The following KIAA1210 variants were observed in gnomAD, a reference collection of about 807,000 sequenced individuals.
KIAA1210 encodes the protein KIAA1210.
Under a neutral mutation model 78.9 loss-of-function variants are expected in KIAA1210, and 48 were observed. The ratio of observed to expected loss-of-function variants is 0.61; its 90% CI spans 0.48 to 0.77. The LOEUF is 0.77. Ranked by LOEUF, KIAA1210 falls within the 30% of genes least tolerant of loss-of-function variation. The pLI is 0.00. For missense variants in KIAA1210, 1,108 were observed against 1,100.0 expected (o/e 1.01, Z -0.10); for synonymous variants, 406 against 404.5 (o/e 1.00, Z -0.04).
At chrX:119,150,011 T>C (rs955245254) in intron 1 of KIAA1210, among the ~76,000 whole-genome samples, 1 of 112,032 alleles carries the variant, frequency 8.9e-6, no homozygotes, top group African/African-American at 3.2e-5. Flanking sequence ...TCTGATATAA[T>C]TGAACCACAT....
chrX:119,109,970 T>TA (rs756261092), intron 3 of KIAA1210, among the ~76,000 whole-genome samples: 5 of 111,603 alleles, frequency 4.5e-5, no homozygotes, highest in Non-Finnish European at 9.4e-5. Context: ...AGAAGAAAGA[T>TA]AAAAACAAAT....
intron 1 of KIAA1210, among the ~76,000 whole-genome samples, chrX:119,148,341 T>C (rs777425187): frequency 8.1e-5 from 9 of 111,567 alleles, no homozygotes; most frequent in Non-Finnish European, 1.7e-4. Context: ...ATCTTTGTAT[T>C]GCCACTGACT....
In KIAA1210 at chrX:119,081,378, G is replaced by A; in HGVS notation, c.4553C>T (p.Ala1518Val). 8.3e-7 allele frequency: 1 copy of A among 1,208,409 alleles called. No individual in the cohort carries two copies. Among genetic ancestry groups the A allele is most frequent in the Non-Finnish European group, 1.1e-6 (1 of 893,753 alleles). ...EPIEPVWFSL[A>V]RKKAKAWSHM... is the part of the protein sequence containing the mutation. ...GCTCCATGCTTTGGCTTTCTTCCTGGCCAGTGAGAACCAGACAGGCTCAAT... is the reference window on the plus strand; with the variant it reads ...GCTCCATGCTTTGGCTTTCTTCCTGACCAGTGAGAACCAGACAGGCTCAAT... Residue 1518 changes from alanine to valine, a missense_variant, in exon 12 of 12, where the codon GCC becomes GTC. Physicochemically the swap from Ala to Val is moderately conservative, Grantham distance 64. Around this residue, in one of 5 missense-constraint regions of KIAA1210, gnomAD observed 245 missense variants for 278.8 expected, o/e 0.88. Transcript: ENST00000691062.
rs1927563785 is a variant in KIAA1210 at position 119,096,574 on chromosome X, G to C, written c.766C>G (p.Gln256Glu). 6 of 1,211,533 alleles carry C rather than the reference G, an allele frequency of 5.0e-6. No individual in the cohort carries two copies. The highest frequency in any genetic ancestry group is 4.5e-6 in the Non-Finnish European group (4 of 895,220). Residue 256 changes from glutamine (Q) to glutamate (E), a missense_variant, in exon 7 of 12, where the codon CAG (glutamine) becomes GAG (glutamate). Physicochemically the swap from Gln to Glu is conservative, Grantham distance 29. Coordinates refer to ENST00000691062, the MANE Select transcript of KIAA1210 (RefSeq NM_001394962.1). ...PIGFSTPATT[Q>E]GCLDSSAARH... Reference sequence around the variant, plus strand: ...GCAGCTGAAGAATCCAAACAGCCCTGGGTGGTGGCTGGGGTGCTGAAACCA... The same window carrying C: ...GCAGCTGAAGAATCCAAACAGCCCTCGGTGGTGGCTGGGGTGCTGAAACCA...
At chrX:119,105,943 C>T (rs1927881432) in intron 5 of KIAA1210, among the ~76,000 whole-genome samples, 1 of 111,811 alleles carries the variant, frequency 8.9e-6, no homozygotes, top group African/African-American at 3.3e-5. Context: ...ACACCCCATT[C>T]CAGGAAATGG....
upstream of KIAA1210, among the ~76,000 whole-genome samples, chrX:119,131,372 G>C (rs923679480): frequency 9.0e-6 from 1 of 111,267 alleles, no homozygotes; most frequent in Non-Finnish European, 1.9e-5. Flanking sequence ...AGATGGGAAC[G>C]ACAGACACTG....
Position 119,088,876 on chromosome X carries a change from T to A in KIAA1210, c.1826A>T (p.Asn609Ile), listed in dbSNP as rs1412275456. The change falls in exon 9 of 12, where the codon AAT (asparagine) becomes ATT (isoleucine). Residue 609 changes from asparagine to isoleucine, a missense_variant. By Grantham distance (149) the Asn-to-Ile change is moderately radical. Coordinates refer to ENST00000691062, the MANE Select transcript of KIAA1210 (RefSeq NM_001394962.1). ...AGAACCATCCCCCTCCTCAGGAATA[T>A]TCTCTGAATCTGAGGAGACTTCTTC... is the stretch of plus-strand genomic sequence containing the variant. Reference protein sequence around the residue: ...DAEEVSSDSENIPEEGDGSEE... With the variant: ...DAEEVSSDSEIIPEEGDGSEE... 4 of 1,211,219 alleles carry A rather than the reference T, an allele frequency of 3.3e-6. No homozygotes were observed. The highest frequency in any genetic ancestry group is 4.3e-5 in the Admixed American group (2 of 45,980).
At chrX:119,110,578 GA>G (rs1461772276) in intron 3 of KIAA1210, among the ~76,000 whole-genome samples, 9 of 111,688 alleles carry the variant, frequency 8.1e-5, no homozygotes, top group Non-Finnish European at 1.1e-4. Flanking sequence ...AACTCTTAAT[GA>G]ATACGCTAAA....
intron 3 of KIAA1210, among the ~76,000 whole-genome samples, chrX:119,114,143 G>A (rs1350240628): frequency 1.8e-5 from 2 of 111,551 alleles, no homozygotes; most frequent in Non-Finnish European, 1.9e-5. Flanking sequence ...AGCAGCTTGG[G>A]CATTGTGGGG....
intron 2 of KIAA1210, among the ~76,000 whole-genome samples, chrX:119,146,136 A>G (rs1929161311): frequency 8.9e-6 from 1 of 112,478 alleles, no homozygotes; most frequent in Admixed American, 9.4e-5. Context: ...TAAAAATGCT[A>G]AAGTTGACAC....
intron 7 of KIAA1210, among the ~76,000 whole-genome samples, chrX:119,094,980 C>T (rs776036888): frequency 8.9e-6 from 1 of 111,918 alleles, no homozygotes; most frequent in Non-Finnish European, 1.9e-5. Flanking sequence ...CCTTCTTTGA[C>T]ACCAAACTAA....
intron 2 of KIAA1210, among the ~76,000 whole-genome samples, chrX:119,123,364 T>A (rs948107263): frequency 8.9e-6 from 1 of 112,196 alleles, no homozygotes; most frequent in Non-Finnish European, 1.9e-5. Flanking sequence ...AAGTAAAACC[T>A]GGTAACCATT....
Position 119,088,544 on chromosome X carries a change from T to C in KIAA1210, c.2158A>G (p.Asn720Asp), listed in dbSNP as rs1434144634. The C allele has an allele frequency of 3.1e-5, 38 of 1,209,496 alleles. No individual in the cohort carries two copies. Among genetic ancestry groups the C allele is most frequent in the Non-Finnish European group, 4.0e-5 (36 of 894,881 alleles). ...KNQQEVSSAS[N>D]NTPEEQNDFM... ...TCATTCTGCTCTTCAGGAGTATTAT[T>C]TGAAGCAGAGGAGACTTCTTGTTGG... is the stretch of plus-strand genomic sequence containing the variant. The change falls in exon 9 of 12, where the codon AAT becomes GAT. Residue 720 changes from asparagine to aspartate, a missense_variant. Physicochemically the swap from Asn to Asp is conservative, Grantham distance 23. Coordinates refer to ENST00000691062, the MANE Select transcript of KIAA1210 (RefSeq NM_001394962.1).
rs774589724 is a variant in KIAA1210 at position 119,108,321 on chromosome X, A to C, written c.492+16T>G. The C allele has an allele frequency of 3.3e-6, 4 of 1,204,868 alleles. No homozygotes were observed. The highest frequency in any genetic ancestry group is 3.4e-6 in the Non-Finnish European group (3 of 891,185). ...TGACTCAGCTGCCCATGCGCTGAAC[A>C]ATTCCACTTTGTTACCTCAGTGATC... On this transcript the variant is annotated intron_variant, in intron 5 of 11. Transcript: ENST00000691062.
chrX:119,099,468 G>A (rs991194483), intron 6 of KIAA1210, among the ~76,000 whole-genome samples: 5 of 112,089 alleles, frequency 4.5e-5, no homozygotes, highest in African/African-American at 6.5e-5. Context: ...TTCTCAAACC[G>A]GGGCTAAAAA....
rs184513537 is a variant in KIAA1210 at position 119,104,430 on chromosome X, G to A, written c.648+562C>T. On this transcript the variant is annotated intron_variant, in intron 6 of 11. Transcript: ENST00000691062. ...TTCTGTTTACTTTTTATTTCCAAAG[G>A]TTAATCATTCTAAACTCTACCTCAC... Among the ~76,000 whole-genome samples, 239 of 112,080 alleles carry A rather than the reference G, an allele frequency of 2.1e-3. 2 individuals are homozygous for A. Among genetic ancestry groups the A allele is most frequent in the African/African-American group, 7.2e-3 (223 of 30,892 alleles).
intron 6 of KIAA1210, among the ~76,000 whole-genome samples, chrX:119,101,612 G>A (rs1603267274): frequency 1.8e-5 from 2 of 111,073 alleles, no homozygotes. Context: ...GTGGCAAAGT[G>A]GCTTCTGTGC....
Position 119,080,751 on chromosome X carries a change from T to G in KIAA1210, c.*578A>C, listed in dbSNP as rs1184388154. On this transcript the variant is annotated 3_prime_UTR_variant, in exon 12 of 12. Coordinates refer to ENST00000691062, the MANE Select transcript of KIAA1210 (RefSeq NM_001394962.1). ...ATAGAGGAAATGCTGGGTTTCTGGG[T>G]GCTGGCAGTGACTACGTGGAAGGTT... 1 of 112,471 alleles carries G rather than the reference T, an allele frequency of 8.9e-6. No individual in the cohort carries two copies. The highest frequency in any genetic ancestry group is 1.9e-5 in the Non-Finnish European group (1 of 53,349). The allele number at this position is 112,471 out of a possible 1,213,427, so 9.3% of individuals were successfully genotyped here. A position where few individuals can be genotyped will look rare whatever the true frequency, so the allele number is the denominator to read the frequency against.
chrX:119,116,732 C>A, intron 2 of KIAA1210, 68 bp from the exon 3 acceptor site: 1 of 1,013,666 alleles, frequency 9.9e-7, no homozygotes, highest in Middle Eastern at 3.0e-4. Context: ...GGAAAAAGAG[C>A]CTTCATGAGA....
Sources: gnomAD v4.1 joint callset for allele counts (sites outside exome capture counted in the v4.1 genomes callset) on GRCh38, gnomAD v4.1.1 for gene constraint, gnomAD v4.1.1 regional missense constraint, MANE v1.5 for transcripts, NCBI Gene and HGNC (gene_info 2026-07-23, HGNC 2026-07-21) for gene names.